The following PKIA variants were observed in gnomAD, a reference collection of about 807,000 sequenced individuals.
PKIA encodes the protein PKI-alpha.
PKIA carries 4 observed loss-of-function variants against 7.6 expected under a neutral mutation model. The ratio of observed to expected loss-of-function variants is 0.52; its 90% CI spans 0.26 to 1.20. PKIA has a LOEUF of 1.20. Among genes scored for constraint, PKIA ranks in the 50% most tolerant of loss-of-function variants. PKIA has a pLI of 0.13. For synonymous variants in PKIA, 21 were observed against 30.7 expected (o/e 0.68, Z 1.04); for missense variants, 73 against 86.2 (o/e 0.85, Z 0.61).
chr8:78,577,398 C>T (rs1004063652), intron 2 of PKIA, among the ~76,000 whole-genome samples: 3 of 151,554 alleles, frequency 2.0e-5, no homozygotes, highest in Non-Finnish European at 2.9e-5. Flanking sequence ...GGATACTAGG[C>T]TTAGTACCTG....
intron 2 of PKIA, among the ~76,000 whole-genome samples, chr8:78,589,111 T>G (rs1359875725): frequency 6.6e-6 from 1 of 152,074 alleles, no homozygotes; most frequent in East Asian, 1.9e-4. Context: ...GTATTAATAA[T>G]GGTGGGCAAA....
intron 2 of PKIA, among the ~76,000 whole-genome samples, chr8:78,590,454 C>T (rs1585925939): frequency 6.6e-6 from 1 of 151,906 alleles, no homozygotes; most frequent in Non-Finnish European, 1.5e-5. Flanking sequence ...TAAAATTCTC[C>T]TCACTTTTCC....
rs1237294098 is a variant in PKIA at position 78,603,879 on chromosome 8, T to A, written c.*2058T>A. 6.6e-6 allele frequency: 1 copy of A among 152,040 alleles called. No individual in the cohort carries two copies. The highest frequency in any genetic ancestry group is 2.4e-5 in the African/African-American group (1 of 41,436). The allele number at this position is 152,040 out of a possible 1,614,324, so 9.4% of individuals were successfully genotyped here. ...TATATTCCTATGTGATATACTGTTA[T>A]TAATGCATGTGGTGCCATGCTTGTC... On this transcript the variant is annotated 3_prime_UTR_variant, in exon 4 of 4. Coordinates refer to ENST00000396418, the MANE Select transcript of PKIA (RefSeq NM_006823.4).
intron 1 of PKIA, chr8:78,535,200 T>A (rs1585874144): frequency 6.6e-6 from 1 of 152,262 alleles, no homozygotes; most frequent in East Asian, 1.9e-4. Flanking sequence ...AGAACTGCCA[T>A]GATGTAAGAT....
intron 1 of PKIA, among the ~76,000 whole-genome samples, chr8:78,557,680 A>G (rs1341791921): frequency 6.6e-6 from 1 of 152,186 alleles, no homozygotes; most frequent in Non-Finnish European, 1.5e-5. Context: ...TTAAATACCC[A>G]TTTTATAGAA....
chr8:78,592,265 C>G (rs182400527), intron 2 of PKIA, among the ~76,000 whole-genome samples: 2 of 152,152 alleles, frequency 1.3e-5, no homozygotes, highest in East Asian at 3.9e-4. Flanking sequence ...TGTGTTCCTT[C>G]ATTCACATAT....
chr8:78,550,222 T>C (rs1421198864), intron 1 of PKIA, among the ~76,000 whole-genome samples: 2 of 152,152 alleles, frequency 1.3e-5, no homozygotes, highest in Non-Finnish European at 2.9e-5. Flanking sequence ...AGTTTGTCAA[T>C]GTGATTAGAC....
chr8:78,544,715 T>C (rs1174609725), intron 1 of PKIA, among the ~76,000 whole-genome samples: 1 of 152,208 alleles, frequency 6.6e-6, no homozygotes, highest in Non-Finnish European at 1.5e-5. Flanking sequence ...ATGTCCAGTG[T>C]AGTACAGAAG....
At chr8:78,534,185 AAG>A (rs767801084) in intron 1 of PKIA, 1 of 152,126 alleles carries the variant, frequency 6.6e-6, no homozygotes, top group Non-Finnish European at 1.5e-5. Flanking sequence ...TAAAAATTTC[AAG>A]AGTTTCCCAT....
At chr8:78,577,148 C>T (rs907044008) in intron 2 of PKIA, among the ~76,000 whole-genome samples, 1 of 151,878 alleles carries the variant, frequency 6.6e-6, no homozygotes, top group East Asian at 1.9e-4. Flanking sequence ...GGTACATGTG[C>T]ACAACGTGCA....
At chr8:78,563,598 T>A (rs1386566449) in intron 1 of PKIA, among the ~76,000 whole-genome samples, 1 of 152,122 alleles carries the variant, frequency 6.6e-6, no homozygotes, top group Non-Finnish European at 1.5e-5. Flanking sequence ...ACAAAAACTC[T>A]CCATTGGCTG....
intron 2 of PKIA, among the ~76,000 whole-genome samples, chr8:78,592,350 T>A (rs1011114795): frequency 1.6e-4 from 24 of 152,142 alleles, no homozygotes; most frequent in Non-Finnish European, 3.5e-4. Context: ...GAAAATATAA[T>A]AAGCAATGAA....
intron 2 of PKIA, among the ~76,000 whole-genome samples, chr8:78,582,149 C>T (rs1807827130): frequency 6.6e-6 from 1 of 150,876 alleles, no homozygotes; most frequent in East Asian, 2.0e-4. Flanking sequence ...TTGCTAATAC[C>T]ATGTAATCCC....
At position 78,603,068 on chromosome 8, in the gene PKIA, A is replaced by G; in HGVS notation, c.*1247A>G. On this transcript the variant is annotated 3_prime_UTR_variant, in exon 4 of 4. Transcript: ENST00000396418. Reference sequence around the variant, plus strand: ...CAATAATGATTATCATTAGAAGCTAACAAAATTCTCATTAATACTGTGTTT... The same window carrying G: ...CAATAATGATTATCATTAGAAGCTAGCAAAATTCTCATTAATACTGTGTTT... 6.6e-6 allele frequency: 1 copy of G among 152,450 alleles called. No homozygotes were observed. The highest frequency in any genetic ancestry group is 3.2e-3 in the Middle Eastern group (1 of 316). The allele number at this position is 152,450 out of a possible 1,614,324, so 9.4% of individuals were successfully genotyped here.
At chr8:78,582,194 T>A (rs1807828936) in intron 2 of PKIA, among the ~76,000 whole-genome samples, 2 of 148,624 alleles carry the variant, frequency 1.3e-5, no homozygotes, top group Non-Finnish European at 3.0e-5. Context: ...TTTTTGAGGC[T>A]TTGGGATTTT....
At chr8:78,581,715 A>G (rs1053266213) in intron 2 of PKIA, among the ~76,000 whole-genome samples, 2 of 152,148 alleles carry the variant, frequency 1.3e-5, no homozygotes, top group East Asian at 3.9e-4. Flanking sequence ...TGTACCAGAT[A>G]AAAGAAACTA....
intron 1 of PKIA, among the ~76,000 whole-genome samples, chr8:78,540,646 G>A (rs961413890): frequency 6.6e-6 from 1 of 151,938 alleles, no homozygotes; most frequent in African/African-American, 2.4e-5. Context: ...CAGGTAGAGG[G>A]ACAGAGGGGG....
chr8:78,566,495 A>G (rs1807416671), intron 1 of PKIA, among the ~76,000 whole-genome samples: 1 of 152,034 alleles, frequency 6.6e-6, no homozygotes, highest in Non-Finnish European at 1.5e-5. Context: ...AGATTTTGCC[A>G]AGGAAGGGAT....
chr8:78,526,464 T>A (rs947703013), intron 1 of PKIA, among the ~76,000 whole-genome samples: 4 of 152,072 alleles, frequency 2.6e-5, no homozygotes, highest in Admixed American at 1.3e-4. Context: ...TAAGGGTGCT[T>A]ATTTCAGAAG....
Sources: allele counts gnomAD v4.1 joint callset (sites outside exome capture counted in the v4.1 genomes callset), GRCh38; gene constraint gnomAD v4.1.1; transcripts MANE v1.5; gene names NCBI Gene and HGNC (gene_info 2026-07-23, HGNC 2026-07-21).